DCC: variants seen among roughly 807,000 people sequenced by gnomAD.
The protein encoded by DCC is DCC netrin 1 receptor.
DCC carries 58 observed loss-of-function variants against 172.5 expected under a neutral mutation model. The observed-to-expected ratio is 0.34, with a 90% confidence interval of 0.27 to 0.42. The LOEUF is 0.42. Ranked by LOEUF, DCC falls within the 10% of genes least tolerant of loss-of-function variation. The pLI, the probability that DCC is intolerant of heterozygous loss-of-function variation, is 1.00. For synonymous variants in DCC, 709 were observed against 644.5 expected (o/e 1.10, Z -1.52); for missense variants, 1,740 against 1,791.0 (o/e 0.97, Z 0.51).
At chr18:53,343,539 T>A (rs1355780215) in intron 15 of DCC, among the ~76,000 whole-genome samples, 1 of 151,932 alleles carries the variant, frequency 6.6e-6, no homozygotes, top group Non-Finnish European at 1.5e-5. Flanking sequence ...TCTTATGTTG[T>A]TTAATTTGAT....
At chr18:52,797,572 G>A (rs1328903677) in intron 2 of DCC, among the ~76,000 whole-genome samples, 3 of 152,218 alleles carry the variant, frequency 2.0e-5, no homozygotes, top group Non-Finnish European at 4.4e-5. Flanking sequence ...GTTAATGGAG[G>A]TTGTGGTAAG....
At chr18:52,843,618 T>A (rs962852269) in intron 2 of DCC, among the ~76,000 whole-genome samples, 1 of 152,210 alleles carries the variant, frequency 6.6e-6, no homozygotes, top group Non-Finnish European at 1.5e-5. Context: ...AAACATAATT[T>A]TGTATTTTTC....
intron 13 of DCC, among the ~76,000 whole-genome samples, chr18:53,309,190 A>G (rs2057236326): frequency 6.6e-6 from 1 of 151,982 alleles, no homozygotes; most frequent in South Asian, 2.1e-4. Context: ...GGTGTGTTTC[A>G]CCACACCCAG....
At chr18:52,880,125 C>A (rs576523669) in intron 2 of DCC, among the ~76,000 whole-genome samples, 1 of 149,912 alleles carries the variant, frequency 6.7e-6, no homozygotes, top group Admixed American at 6.8e-5. Context: ...AGGTCTTATT[C>A]ATTCTTTTTT....
chr18:52,513,492 A>G (rs933419206), intron 1 of DCC, among the ~76,000 whole-genome samples: 4 of 152,184 alleles, frequency 2.6e-5, no homozygotes. Flanking sequence ...ATGGTTTTTT[A>G]AATTATTATT....
At chr18:52,695,407 G>C (rs759750146) in intron 1 of DCC, among the ~76,000 whole-genome samples, 8 of 152,198 alleles carry the variant, frequency 5.3e-5, no homozygotes, top group Non-Finnish European at 1.0e-4. Flanking sequence ...TTGGATGATA[G>C]AGAGGGTTGA....
intron 2 of DCC, among the ~76,000 whole-genome samples, chr18:52,769,726 T>G (rs529587749): frequency 2.0e-4 from 30 of 152,304 alleles, no homozygotes; most frequent in African/African-American, 6.5e-4. Flanking sequence ...ATATTTTACA[T>G]TTACATCTGT....
At chr18:53,400,252 A>C (rs17506295) in intron 18 of DCC, among the ~76,000 whole-genome samples, 64,405 of 151,788 alleles carry the variant, frequency 0.42, 15,443 homozygotes, top group Non-Finnish European at 0.55. Context: ...ATCACATACT[A>C]ATTCCAGGGA....
At chr18:53,097,711 A>G (rs1277501619) in intron 7 of DCC, among the ~76,000 whole-genome samples, 1 of 152,146 alleles carries the variant, frequency 6.6e-6, no homozygotes, top group Non-Finnish European at 1.5e-5. Context: ...TCCATGATTA[A>G]TATGCAGGCA....
At chr18:53,103,702 C>T (rs964221699) in intron 7 of DCC, among the ~76,000 whole-genome samples, 1 of 152,018 alleles carries the variant, frequency 6.6e-6, no homozygotes, top group Non-Finnish European at 1.5e-5. Flanking sequence ...GATTATTGTT[C>T]CTCTAATTTA....
At chr18:53,526,209 T>C (rs2046453287) in intron 27 of DCC, among the ~76,000 whole-genome samples, 1 of 152,196 alleles carries the variant, frequency 6.6e-6, no homozygotes, top group Non-Finnish European at 1.5e-5. Context: ...CTTCTAACTC[T>C]GCAAATCTTC....
At chr18:52,610,174 AAAAAATATATATATATATATATAT>A (rs2034236905) in intron 1 of DCC, among the ~76,000 whole-genome samples, 1 of 15,660 alleles carries the variant, frequency 6.4e-5, no homozygotes, top group Non-Finnish European at 1.1e-4. Flanking sequence ...AAAAAAAAAA[AAAAAATATATATATATATATATAT>A]ATATATATAT....
intron 5 of DCC, among the ~76,000 whole-genome samples, chr18:53,006,006 A>G (rs893314051): frequency 6.6e-6 from 1 of 152,172 alleles, no homozygotes; most frequent in Non-Finnish European, 1.5e-5. Context: ...GGGTTGCTGG[A>G]TGAGACAATG....
chr18:52,980,600 T>C (rs2145603547), intron 5 of DCC, among the ~76,000 whole-genome samples: 1 of 152,070 alleles, frequency 6.6e-6, no homozygotes, highest in Admixed American at 6.5e-5. Flanking sequence ...ATAATTCTAA[T>C]AAAATAATGC....
chr18:53,407,055 C>A lies in DCC; in HGVS notation c.2936-3397C>A, dbSNP rs1418765399. On this transcript the variant is annotated intron_variant, in intron 19 of 28. Coordinates refer to ENST00000442544, the MANE Select transcript of DCC (RefSeq NM_005215.4). ...CTGCACCTTCAACTTTAGTTTGATC[C>A]CAGAGCTGTCATTTTTAAATGCTTA... is the stretch of plus-strand genomic sequence containing the variant. 2.6e-5 allele frequency among the ~76,000 whole-genome samples: 4 copies of A among 152,116 alleles called. No individual in the cohort carries two copies. In the South Asian group the frequency reaches 6.2e-4, roughly 24 times the overall value.
chr18:53,111,229 T>C (rs1188762802), intron 7 of DCC, among the ~76,000 whole-genome samples: 1 of 116,298 alleles, frequency 8.6e-6, no homozygotes, highest in Non-Finnish European at 1.7e-5. Context: ...AAGGGGAACA[T>C]CACACTCTGG....
At chr18:52,364,431 T>C (rs947991944) in intron 1 of DCC, among the ~76,000 whole-genome samples, 1 of 152,214 alleles carries the variant, frequency 6.6e-6, no homozygotes, top group African/African-American at 2.4e-5. Flanking sequence ...TTCTTAATAG[T>C]AAATAAATTA....
chr18:53,377,983 T>C (rs1228950357), intron 15 of DCC, among the ~76,000 whole-genome samples: 1 of 152,164 alleles, frequency 6.6e-6, no homozygotes, highest in Non-Finnish European at 1.5e-5. Context: ...AATTTATTTT[T>C]TTAAGACGGG....
intron 2 of DCC, among the ~76,000 whole-genome samples, chr18:52,895,895 A>G (rs112005825): frequency 2.0e-5 from 3 of 152,094 alleles, no homozygotes; most frequent in African/African-American, 7.2e-5. Flanking sequence ...AGTGATTCTC[A>G]TGCCTCAGCC....
Sources: gnomAD v4.1 joint callset for allele counts (sites outside exome capture counted in the v4.1 genomes callset) on GRCh38, gnomAD v4.1.1 for gene constraint, MANE v1.5 for transcripts, NCBI Gene and HGNC (gene_info 2026-07-23, HGNC 2026-07-21) for gene names.